Variants in FARP1 observed in about 807,000 individuals in gnomAD.
FARP1 encodes FERM, ARH/RhoGEF and pleckstrin domain protein 1, also known as FERM, ARHGEF and pleckstrin domain-containing protein 1.
In FARP1, 52 loss-of-function variants were observed where a neutral mutation model predicts 128.8. The observed-to-expected ratio is 0.40, with a 90% CI of 0.32 to 0.51. The LOEUF is 0.51. Among genes scored for constraint, FARP1 ranks in the 20% least tolerant of loss-of-function variants. The pLI is 0.45. For synonymous variants in FARP1, 580 were observed against 551.8 expected, an observed-to-expected ratio of 1.05 and a Z score of -0.72; for missense variants, 1,333 against 1,367.9, an observed-to-expected ratio of 0.97 and a Z score of 0.40.
intron 2 of FARP1, among the ~76,000 whole-genome samples, chr13:98,246,256 C>T (rs1356625884): frequency 2.0e-5 from 3 of 150,214 alleles, no homozygotes; most frequent in African/African-American, 4.9e-5. Flanking sequence ...CCACCTCGCC[C>T]GGCTAATTTT....
intron 1 of FARP1, among the ~76,000 whole-genome samples, chr13:98,178,411 G>GA (rs1878261697): frequency 6.6e-6 from 1 of 152,124 alleles, no homozygotes; most frequent in Non-Finnish European, 1.5e-5. Context: ...GGCCAGGCTG[G>GA]TGTGGAACTC....
intron 18 of FARP1, 106 bp downstream of exon 18, chr13:98,431,386 C>G: frequency 1.5e-6 from 1 of 681,666 alleles, no homozygotes; most frequent in East Asian, 2.9e-5. Flanking sequence ...GAGAGGTCAG[C>G]TGATGCTGGG....
At chr13:98,179,740 C>T (rs1049470409) in intron 1 of FARP1, among the ~76,000 whole-genome samples, 3 of 150,838 alleles carry the variant, frequency 2.0e-5, no homozygotes, top group Non-Finnish European at 2.9e-5. Flanking sequence ...GCCTGTAGCC[C>T]CAGCTACTCG....
chr13:98,269,452 T>G (rs1884285889), intron 2 of FARP1, among the ~76,000 whole-genome samples: 1 of 152,244 alleles, frequency 6.6e-6, no homozygotes, highest in Non-Finnish European at 1.5e-5. Flanking sequence ...TAGTTACTAG[T>G]GCTTACATTC....
At chr13:98,429,457 G>A (rs1891929497) in intron 17 of FARP1, among the ~76,000 whole-genome samples, 1 of 152,196 alleles carries the variant, frequency 6.6e-6, no homozygotes, top group South Asian at 2.1e-4. Context: ...AAGTGGAAGG[G>A]GCTGGAGACC....
At chr13:98,360,127 CCT>C (rs1365153358) in intron 3 of FARP1, among the ~76,000 whole-genome samples, 1 of 130,232 alleles carries the variant, frequency 7.7e-6, no homozygotes, top group African/African-American at 3.0e-5. Context: ...GATGGAGTCT[CCT>C]CTGTCACACA....
At chr13:98,236,307 G>A (rs1386343524) in intron 2 of FARP1, among the ~76,000 whole-genome samples, 24 of 152,076 alleles carry the variant, frequency 1.6e-4, no homozygotes, top group African/African-American at 2.4e-5. Context: ...GAAAACTTAC[G>A]AAAAAGAACT....
At chr13:98,318,800 CA>C (rs1886856233) in intron 2 of FARP1, among the ~76,000 whole-genome samples, 1 of 152,198 alleles carries the variant, frequency 6.6e-6, no homozygotes, top group Admixed American at 6.5e-5. Flanking sequence ...AGGCAGTAGG[CA>C]ATGGGGCTGC....
In FARP1 at chr13:98,408,309, C is replaced by T. The variant is rs575212522; in HGVS notation, c.1415-1029C>T. On this transcript the variant is annotated intron_variant, in intron 13 of 26. Coordinates refer to ENST00000319562, the MANE Select transcript of FARP1 (RefSeq NM_005766.4). ...ATCATCTCCCTTGGCTGACTCATAGCGGGTAATATATACTTTTTTTTTTTT... is the reference window on the plus strand; with the variant it reads ...ATCATCTCCCTTGGCTGACTCATAGTGGGTAATATATACTTTTTTTTTTTT... 2.8e-5 allele frequency among the ~76,000 whole-genome samples: 4 copies of T among 142,458 alleles called. No individual in the cohort carries two copies. In the South Asian group the frequency reaches 6.7e-4, roughly 24 times the overall value. 93.5% of individuals were successfully genotyped at this position (142,458 alleles called of 152,430 possible). A position where few individuals can be genotyped will look rare whatever the true frequency, so the allele number is the denominator to read the frequency against.
intron 11 of FARP1, among the ~76,000 whole-genome samples, chr13:98,392,207 G>A (rs1346485072): frequency 6.6e-6 from 1 of 151,488 alleles, no homozygotes; most frequent in Non-Finnish European, 1.5e-5. Context: ...TCTGGAGGCC[G>A]GGCACAATGG....
intron 10 of FARP1, 143 bp from the exon 11 acceptor site, chr13:98,390,669 G>A: frequency 1.6e-6 from 1 of 620,670 alleles, no homozygotes. Flanking sequence ...TGTCAGGATT[G>A]CTTTTAGTCC....
At chr13:98,214,910 C>T (rs1461842735) in intron 2 of FARP1, among the ~76,000 whole-genome samples, 4 of 152,162 alleles carry the variant, frequency 2.6e-5, no homozygotes, top group Non-Finnish European at 5.9e-5. Flanking sequence ...GTCTTTGTTG[C>T]CAGACTGGTT....
intron 5 of FARP1, among the ~76,000 whole-genome samples, chr13:98,369,552 T>G (rs1024024822): frequency 6.6e-6 from 1 of 151,942 alleles, no homozygotes; most frequent in African/African-American, 2.4e-5. Context: ...AGTGTGATGT[T>G]CCCCTTCCTG....
chr13:98,351,475 G>A (rs898650586), intron 3 of FARP1, among the ~76,000 whole-genome samples: 28 of 152,096 alleles, frequency 1.8e-4, no homozygotes, highest in African/African-American at 5.8e-4. Flanking sequence ...AGCTGGGCGT[G>A]GTGGCAGGCG....
chr13:98,396,462 TGAGTGAGGAA>T, intron 13 of FARP1: 1 of 235,018 alleles, frequency 4.3e-6, no homozygotes, highest in Non-Finnish European at 6.7e-6. Flanking sequence ...AGGAGGAGGA[TGAGTGAGGAA>T]CAGGAGGAGG....
intron 3 of FARP1, among the ~76,000 whole-genome samples, chr13:98,344,210 A>T (rs971192488): frequency 3.3e-5 from 5 of 152,150 alleles, no homozygotes; most frequent in Non-Finnish European, 7.4e-5. Context: ...TTGGAATAGG[A>T]CCAGACTGGA....
intron 17 of FARP1, among the ~76,000 whole-genome samples, chr13:98,430,049 C>A (rs3825434): frequency 0.074 from 11,329 of 152,124 alleles, 823 homozygotes; most frequent in East Asian, 0.32. Flanking sequence ...GACCACCAGC[C>A]TGGGCAACAT....
intron 13 of FARP1, chr13:98,397,900 G>GAAAAAAAAA (rs3841606): frequency 1.2e-5 from 1 of 84,582 alleles, no homozygotes; most frequent in Non-Finnish European, 2.6e-5. Flanking sequence ...TTTTTTTTTT[G>GAAAAAAAAA]AAAAAAAAAA....
intron 2 of FARP1, among the ~76,000 whole-genome samples, chr13:98,220,212 T>G (rs1314049345): frequency 1.3e-5 from 2 of 152,096 alleles, no homozygotes; most frequent in African/African-American, 4.8e-5. Flanking sequence ...ATTGTACTGA[T>G]AATGGAAGGA....
Sources: allele counts gnomAD v4.1 joint callset (sites outside exome capture counted in the v4.1 genomes callset), GRCh38; gene constraint gnomAD v4.1.1; transcripts MANE v1.5; gene names NCBI Gene and HGNC (gene_info 2026-07-23, HGNC 2026-07-21).